The following RUFY3 variants were observed in gnomAD, a reference collection of about 807,000 sequenced individuals.
RUFY3 encodes RUN and FYVE domain containing 3, also known as protein RUFY3.
A neutral mutation model predicts 84.0 loss-of-function variants in RUFY3; 34 were observed. That is an observed-to-expected ratio of 0.40 (90% CI 0.31 to 0.54). RUFY3 has a LOEUF of 0.54. Among genes scored for constraint, RUFY3 ranks in the 20% least tolerant of loss-of-function variants. RUFY3 has a pLI of 0.39. For synonymous variants in RUFY3, 242 were observed against 252.9 expected (o/e 0.96, Z 0.41); for missense variants, 507 against 736.8 (o/e 0.69, Z 3.61).
Position 70,806,883 on chromosome 4 carries a change from C to G in RUFY3, c.*224C>G. ...GTGAACTTACTTGAGCCTTTCTCTTCTAAATCTAAACAACCTGATATTGAA... is the reference window on the plus strand; with the variant it reads ...GTGAACTTACTTGAGCCTTTCTCTTGTAAATCTAAACAACCTGATATTGAA... On this transcript the variant is annotated 3_prime_UTR_variant, in exon 18 of 18. Coordinates refer to ENST00000381006, the MANE Select transcript of RUFY3 (RefSeq NM_001037442.4). 2.3e-6 allele frequency: 1 copy of G among 441,834 alleles called. No homozygotes were observed. The highest frequency in any genetic ancestry group is 4.0e-6 in the Non-Finnish European group (1 of 251,924). The allele number at this position is 441,834 out of a possible 1,614,324, so 27.4% of individuals were successfully genotyped here.
chr4:70,734,534 A>G, intron 1 of RUFY3: 3 of 985,466 alleles, frequency 3.0e-6, no homozygotes, highest in Non-Finnish European at 3.6e-6. Context: ...TTTTCTGGAC[A>G]CGGTTCATCC....
intron 8 of RUFY3, among the ~76,000 whole-genome samples, chr4:70,781,517 T>C (rs1728918679): frequency 6.6e-6 from 1 of 152,196 alleles, no homozygotes; most frequent in Non-Finnish European, 1.5e-5. Context: ...ACTTCATTAT[T>C]GGTAAAGCTG....
At chr4:70,804,143 T>C (rs996590041) in intron 16 of RUFY3, among the ~76,000 whole-genome samples, 1 of 152,194 alleles carries the variant, frequency 6.6e-6, no homozygotes, top group African/African-American at 2.4e-5. Flanking sequence ...AGAAATCATG[T>C]TATTATAAAA....
chr4:70,793,246 C>G, intron 12 of RUFY3: 1 of 986,914 alleles, frequency 1.0e-6, no homozygotes, highest in Non-Finnish European at 1.2e-6. Context: ...ATAGAATAAC[C>G]CAAAGCCTAG....
chr4:70,765,581 A>G (rs2148713629), intron 4 of RUFY3, among the ~76,000 whole-genome samples: 1 of 152,262 alleles, frequency 6.6e-6, no homozygotes, highest in East Asian at 1.9e-4. Flanking sequence ...AACAGTTCAT[A>G]AGGTTAGGCT....
At chr4:70,750,223 C>G (rs774014212) in intron 1 of RUFY3, among the ~76,000 whole-genome samples, 2 of 152,126 alleles carry the variant, frequency 1.3e-5, no homozygotes, top group Non-Finnish European at 2.9e-5. Flanking sequence ...GCTTAATGAA[C>G]TTAAATATCT....
intron 1 of RUFY3, chr4:70,734,413 C>G: frequency 2.0e-6 from 2 of 985,422 alleles, no homozygotes; most frequent in South Asian, 4.7e-5. Context: ...TAGATTTACA[C>G]TGTCAGGTTC....
intron 5 of RUFY3, among the ~76,000 whole-genome samples, chr4:70,770,913 T>C (rs1286612622): frequency 1.3e-5 from 2 of 152,126 alleles, no homozygotes; most frequent in African/African-American, 4.8e-5. Context: ...GCAGGGTTAT[T>C]AATTGGCCTA....
rs187424999 is a variant in RUFY3 at position 70,716,520 on chromosome 4, C to T, written c.358+11226C>T. Among the ~76,000 whole-genome samples, 3 of 152,162 alleles carry T rather than the reference C, an allele frequency of 2.0e-5. No individual in the cohort carries two copies. In the East Asian group the frequency reaches 5.8e-4, roughly 29 times the overall value. ...CAGCCAAAAGGATAAACTACATATG[C>T]ACACTACGGTTTGGATGAATCTTAG... On this transcript the variant is annotated intron_variant, in intron 1 of 11. Transcript: ENST00000417478.
At position 70,705,409 on chromosome 4, in the gene RUFY3, C is replaced by T. The variant is rs1740175538; in HGVS notation, c.358+115C>T. Reference sequence around the variant, plus strand: ...CGCGGGGTGACCCGAGCCGGGTGGCCGGGAGGCGGGGGCTTTAGGGGCTAC... The same window carrying T: ...CGCGGGGTGACCCGAGCCGGGTGGCTGGGAGGCGGGGGCTTTAGGGGCTAC... On this transcript the variant is annotated intron_variant, in intron 1 of 11. Coordinates refer to the RUFY3 transcript ENST00000417478. 10 of 701,198 alleles carry T rather than the reference C, an allele frequency of 1.4e-5. No individual in the cohort carries two copies. In the South Asian group the frequency reaches 3.0e-4, roughly 21 times the overall value. The allele number at this position is 701,198 out of a possible 1,614,324, so 43.4% of individuals were successfully genotyped here.
chr4:70,715,378 G>A (rs1741441264), intron 1 of RUFY3, among the ~76,000 whole-genome samples: 1 of 151,964 alleles, frequency 6.6e-6, no homozygotes, highest in African/African-American at 2.4e-5. Flanking sequence ...GAGGTCAGGA[G>A]TTCAAGACCA....
In RUFY3 at chr4:70,745,524, G is replaced by T. The variant is rs368944821; in HGVS notation, c.179-16995G>T. ...TGTCTGTACTCATTACAAGCCTTTT[G>T]AACAGATTTTGTAAATTTGCAGTGG... is the stretch of plus-strand genomic sequence containing the variant. On this transcript the variant is annotated intron_variant, in intron 1 of 17. Coordinates refer to ENST00000381006, the MANE Select transcript of RUFY3 (RefSeq NM_001037442.4). 1.4e-4 allele frequency among the ~76,000 whole-genome samples: 21 copies of T among 152,240 alleles called. No individual in the cohort carries two copies. The East Asian group carries it at 2.5e-3, about 18-fold the overall frequency.
intron 1 of RUFY3, among the ~76,000 whole-genome samples, chr4:70,727,958 T>TTTACCTAA (rs749096032): frequency 3.6e-4 from 54 of 152,100 alleles, no homozygotes; most frequent in Non-Finnish European, 7.5e-4. Context: ...CCTTAATAAG[T>TTTACCTAA]TTACCTAATT....
At chr4:70,792,330 GA>G (rs2148803487) in intron 12 of RUFY3, 2 of 974,558 alleles carry the variant, frequency 2.1e-6, no homozygotes, top group East Asian at 1.1e-4. Context: ...TGAATTATTA[GA>G]AAAACATTTC....
chr4:70,722,010 G>C lies in RUFY3; in HGVS notation c.-564G>C, dbSNP rs531542020. 4 of 1,232,062 alleles carry C rather than the reference G, an allele frequency of 3.2e-6. No individual in the cohort carries two copies. In the African/African-American group the frequency reaches 6.2e-5, roughly 19 times the overall value. 76.3% of individuals were successfully genotyped at this position (1,232,062 alleles called of 1,614,324 possible). A position where few individuals can be genotyped will look rare whatever the true frequency, so the allele number is the denominator to read the frequency against. On this transcript the variant is annotated 5_prime_UTR_variant, in exon 1 of 18. Transcript: ENST00000381006. ...GGTCAACACCCTGCTTACTGCGCAC[G>C]GCCAATCCTATGAGAACTCAGCATC... is the stretch of plus-strand genomic sequence containing the variant.
chr4:70,804,688 C>T (rs532759890), intron 17 of RUFY3, among the ~76,000 whole-genome samples: 57 of 148,888 alleles, frequency 3.8e-4, no homozygotes, highest in South Asian at 6.4e-4. Flanking sequence ...GAGGCCGAGG[C>T]GGGCCGATCA....
intron 1 of RUFY3, among the ~76,000 whole-genome samples, chr4:70,716,727 C>G (rs1741665440): frequency 1.3e-5 from 2 of 151,290 alleles, no homozygotes; most frequent in East Asian, 1.9e-4. Context: ...GCCTGTAATC[C>G]CAGCTACTCG....
intron 11 of RUFY3, 75 bp from the exon 12 acceptor site, chr4:70,789,420 A>T: frequency 1.5e-6 from 2 of 1,302,028 alleles, no homozygotes; most frequent in Non-Finnish European, 2.1e-6. Flanking sequence ...ACTTACCATT[A>T]GATTCAAAAG....
chr4:70,721,218 A>C (rs886089894), upstream of RUFY3, among the ~76,000 whole-genome samples: 2 of 152,150 alleles, frequency 1.3e-5, no homozygotes, highest in Non-Finnish European at 2.9e-5. Context: ...AGGCTGAGGC[A>C]GAGAATTGCT....
Sources: gnomAD v4.1 joint callset for allele counts (sites outside exome capture counted in the v4.1 genomes callset) on GRCh38, gnomAD v4.1.1 for gene constraint, MANE v1.5 for transcripts, NCBI Gene and HGNC (gene_info 2026-07-23, HGNC 2026-07-21) for gene names.